Variants in TMPRSS15 observed in about 807,000 individuals in gnomAD.
The protein encoded by TMPRSS15 is transmembrane serine protease 15.
TMPRSS15 carries 128 observed loss-of-function variants against 125.3 expected under a neutral mutation model. The ratio of observed to expected loss-of-function variants is 1.02; its 90% CI spans 0.89 to 1.18. The LOEUF (loss-of-function observed/expected upper bound fraction) is 1.18, where lower values mean the gene tolerates loss of function less well. TMPRSS15 is among the 50% of genes most tolerant of loss of function. The pLI, the probability that TMPRSS15 is intolerant of heterozygous loss-of-function variation, is 0.00. For missense variants in TMPRSS15, 1,283 were observed against 1,212.7 expected (o/e 1.06, Z -0.86); for synonymous variants, 446 against 423.2 (o/e 1.05, Z -0.66).
chr21:18,472,455 TTA>T (rs34604020), intron 1 of TMPRSS15, among the ~76,000 whole-genome samples: 42,334 of 142,824 alleles, frequency 0.3, 6,466 homozygotes, highest in Middle Eastern at 0.41. Flanking sequence ...GCTAAAAGAA[TTA>T]TATATATATA....
At chr21:18,440,142 A>C (rs1006638740) in intron 1 of TMPRSS15, among the ~76,000 whole-genome samples, 21 of 151,986 alleles carry the variant, frequency 1.4e-4, no homozygotes, top group Non-Finnish European at 2.8e-4. Flanking sequence ...TGGGAGGCCG[A>C]GACGGGCGGA....
chr21:18,412,392 T>C (rs1601453929), intron 1 of TMPRSS15, among the ~76,000 whole-genome samples: 4 of 152,204 alleles, frequency 2.6e-5, no homozygotes, highest in Admixed American at 2.0e-4. Context: ...AGGAAGCTTG[T>C]TCTGTTTTCT....
chr21:18,375,040 T>C (rs1049067989), intron 5 of TMPRSS15, among the ~76,000 whole-genome samples: 1 of 152,186 alleles, frequency 6.6e-6, no homozygotes, highest in Non-Finnish European at 1.5e-5. Flanking sequence ...TGGAAGTATT[T>C]TGAATTTAAG....
chr21:18,430,489 G>T (rs2076214218), intron 1 of TMPRSS15, among the ~76,000 whole-genome samples: 1 of 152,010 alleles, frequency 6.6e-6, no homozygotes, highest in South Asian at 2.1e-4. Flanking sequence ...TTATCTTGGT[G>T]GTGGTTGCTC....
upstream of TMPRSS15, among the ~76,000 whole-genome samples, chr21:18,406,978 T>G (rs771035008): frequency 6.7e-4 from 102 of 152,202 alleles, no homozygotes; most frequent in African/African-American, 2.1e-3. Flanking sequence ...TAAAGTTGTA[T>G]GTACTAAACT....
intron 3 of TMPRSS15, among the ~76,000 whole-genome samples, chr21:18,386,463 T>C (rs2075944767): frequency 6.6e-6 from 1 of 152,218 alleles, no homozygotes; most frequent in Non-Finnish European, 1.5e-5. Flanking sequence ...AGCAGAATTT[T>C]ATATACAAAT....
intron 21 of TMPRSS15, among the ~76,000 whole-genome samples, chr21:18,282,452 G>GTATT (rs1415386844): frequency 6.6e-6 from 1 of 152,138 alleles, no homozygotes; most frequent in East Asian, 1.9e-4. Flanking sequence ...GTTTAATGTG[G>GTATT]TATTTAAATA....
chr21:18,347,188 C>T (rs2075517850), intron 10 of TMPRSS15, among the ~76,000 whole-genome samples: 1 of 152,024 alleles, frequency 6.6e-6, no homozygotes, highest in Non-Finnish European at 1.5e-5. Context: ...CTTTTGAATT[C>T]TCGGTGGCAC....
chr21:18,459,050 G>A (rs1162399685), intron 1 of TMPRSS15, among the ~76,000 whole-genome samples: 1 of 152,072 alleles, frequency 6.6e-6, no homozygotes, highest in African/African-American at 2.4e-5. Flanking sequence ...ATGTGTCTTT[G>A]ATTGTGCTTT....
intron 1 of TMPRSS15, among the ~76,000 whole-genome samples, chr21:18,433,707 A>G (rs1239230867): frequency 6.7e-6 from 1 of 148,544 alleles, no homozygotes; most frequent in Non-Finnish European, 1.5e-5. Flanking sequence ...TAGTTTGAGG[A>G]TATAAAGAAT....
chr21:18,452,326 T>G (rs1451769378), intron 1 of TMPRSS15, among the ~76,000 whole-genome samples: 2 of 152,178 alleles, frequency 1.3e-5, no homozygotes, highest in African/African-American at 4.8e-5. Context: ...TATAACTCAA[T>G]GTATACACAC....
At chr21:18,301,743 T>A (rs971719752) in intron 18 of TMPRSS15, among the ~76,000 whole-genome samples, 1 of 152,210 alleles carries the variant, frequency 6.6e-6, no homozygotes, top group Non-Finnish European at 1.5e-5. Flanking sequence ...AAACTCCATA[T>A]AGCATTACCT....
chr21:18,399,331 C>T (rs2076072990), intron 1 of TMPRSS15, among the ~76,000 whole-genome samples: 1 of 152,092 alleles, frequency 6.6e-6, no homozygotes, highest in Non-Finnish European at 1.5e-5. Context: ...TGACACCAAA[C>T]TATCCCATTA....
chr21:18,451,932 T>C (rs1256009976), intron 1 of TMPRSS15, among the ~76,000 whole-genome samples: 6 of 152,242 alleles, frequency 3.9e-5, no homozygotes, highest in Non-Finnish European at 7.3e-5. Flanking sequence ...ATTTTATGTA[T>C]GCAAATGCAA....
intron 1 of TMPRSS15, among the ~76,000 whole-genome samples, chr21:18,416,449 A>C (rs1336973776): frequency 2.0e-5 from 3 of 151,980 alleles, no homozygotes; most frequent in African/African-American, 4.8e-5. Flanking sequence ...TATTATCCTT[A>C]TATATCTTTT....
chr21:18,327,725 C>A (rs1446182965), intron 15 of TMPRSS15, among the ~76,000 whole-genome samples: 1 of 105,664 alleles, frequency 9.5e-6, no homozygotes, highest in African/African-American at 4.0e-5. Flanking sequence ...TTAGATAAAA[C>A]ACTTTTTTTG....
At position 18,396,634 on chromosome 21, in the gene TMPRSS15, T is replaced by C. The variant is rs533412582; in HGVS notation, c.344+1245A>G. 4.6e-3 allele frequency among the ~76,000 whole-genome samples: 692 copies of C among 151,762 alleles called. 7 individuals carry two copies. Among genetic ancestry groups the C allele is most frequent in the African/African-American group, 0.016 (665 of 41,414 alleles). On this transcript the variant is annotated intron_variant, in intron 3 of 24. Coordinates refer to ENST00000284885, the MANE Select transcript of TMPRSS15 (RefSeq NM_002772.3). ...CTAAAAATACAAAAAATTAGCCGGG[T>C]ATGGTGGCGGGCACCTGTAGTCTCA...
chr21:18,369,973 C>CAAAAAAAAAAAAAAAAAAAAA, intron 6 of TMPRSS15, among the ~76,000 whole-genome samples: 1 of 136,014 alleles, frequency 7.4e-6, no homozygotes, highest in Admixed American at 7.4e-5. Context: ...CTTACTTAAA[C>CAAAAAAAAAAAAAAAAAAAAA]GAAAAAAAAA....
chr21:18,372,032 A>G (rs1323925221), intron 6 of TMPRSS15, among the ~76,000 whole-genome samples, 161 bp downstream of exon 6: 2 of 151,218 alleles, frequency 1.3e-5, no homozygotes, highest in Non-Finnish European at 2.9e-5. Context: ...AAGATTTTGT[A>G]TTATATTTTA....
Sources: gnomAD v4.1 joint callset for allele counts (sites outside exome capture counted in the v4.1 genomes callset) on GRCh38, gnomAD v4.1.1 for gene constraint, MANE v1.5 for transcripts, NCBI Gene and HGNC (gene_info 2026-07-23, HGNC 2026-07-21) for gene names.